Variants in SHANK2 observed in about 807,000 individuals in gnomAD.
The protein encoded by SHANK2 is SH3 and multiple ankyrin repeat domains 2, also known as SH3 and multiple ankyrin repeat domains protein 2.
In SHANK2, 43 loss-of-function variants were observed where a neutral mutation model predicts 133.7. The ratio of observed to expected loss-of-function variants is 0.32; its 90% CI spans 0.25 to 0.41. The LOEUF (loss-of-function observed/expected upper bound fraction) is 0.41. Among genes scored for constraint, SHANK2 ranks in the 10% least tolerant of loss-of-function variants. SHANK2 has a pLI of 1.00. For synonymous variants in SHANK2, 1,017 were observed against 952.8 expected (o/e 1.07, Z -1.24); for missense variants, 1,994 against 2,235.8 (o/e 0.89, Z 2.18).
intron 2 of SHANK2, among the ~76,000 whole-genome samples, chr11:71,206,698 G>A (rs1555118034): frequency 6.6e-6 from 1 of 152,156 alleles, no homozygotes; most frequent in Non-Finnish European, 1.5e-5. Context: ...CATTTTGCAA[G>A]GCCGAGGCAG....
intron 9 of SHANK2, among the ~76,000 whole-genome samples, chr11:71,064,923 C>A (rs1951029916): frequency 6.6e-6 from 1 of 152,228 alleles, no homozygotes; most frequent in South Asian, 2.1e-4. Context: ...CTGGGAGACT[C>A]CGACTGGGGA....
intron 2 of SHANK2, among the ~76,000 whole-genome samples, chr11:71,223,397 A>G (rs556362363): frequency 2.0e-5 from 3 of 152,344 alleles, no homozygotes; most frequent in South Asian, 4.1e-4. Flanking sequence ...CCATGCGCAC[A>G]TTGGAAATAT....
chr11:70,805,036 C>T (rs1590702005), intron 13 of SHANK2, among the ~76,000 whole-genome samples: 1 of 152,348 alleles, frequency 6.6e-6, no homozygotes, highest in South Asian at 2.1e-4. Flanking sequence ...CTGCCCCTCT[C>T]GGAGCATGGG....
At chr11:71,165,586 C>G (rs1308582220) in intron 2 of SHANK2, among the ~76,000 whole-genome samples, 4 of 152,140 alleles carry the variant, frequency 2.6e-5, no homozygotes, top group African/African-American at 9.7e-5. Context: ...CTCTGCGAAG[C>G]CTGGTCAAAC....
intron 15 of SHANK2, among the ~76,000 whole-genome samples, chr11:70,681,565 T>C (rs1945029954): frequency 6.6e-6 from 1 of 152,148 alleles, no homozygotes; most frequent in Non-Finnish European, 1.5e-5. Context: ...CACCCTGGAC[T>C]GTAACCATCC....
intron 6 of SHANK2, among the ~76,000 whole-genome samples, chr11:71,096,424 A>G (rs186360413): frequency 1.3e-3 from 201 of 152,248 alleles, no homozygotes; most frequent in African/African-American, 4.6e-3. Context: ...AACAAACTCA[A>G]GGGGTGACCC....
intron 2 of SHANK2, among the ~76,000 whole-genome samples, chr11:71,198,579 G>A (rs1555116580): frequency 6.6e-6 from 1 of 152,152 alleles, no homozygotes; most frequent in Non-Finnish European, 1.5e-5. Flanking sequence ...TGTGAGGGGT[G>A]AGACCACAGC....
chr11:70,506,695 GA>G (rs1414730838), intron 17 of SHANK2, among the ~76,000 whole-genome samples: 1 of 152,146 alleles, frequency 6.6e-6, no homozygotes, highest in Non-Finnish European at 1.5e-5. Context: ...CTGCTTCATG[GA>G]GGGATGGTAT....
chr11:70,721,427 C>A (rs558684917), intron 14 of SHANK2, among the ~76,000 whole-genome samples: 1 of 152,216 alleles, frequency 6.6e-6, no homozygotes, highest in Non-Finnish European at 1.5e-5. Flanking sequence ...TGGGGCAGGC[C>A]GTGTGTACAG....
chr11:70,859,309 A>G (rs1949220506), intron 11 of SHANK2, among the ~76,000 whole-genome samples: 1 of 152,022 alleles, frequency 6.6e-6, no homozygotes, highest in Non-Finnish European at 1.5e-5. Flanking sequence ...TGGGTAGGTG[A>G]GTGGAGGGAT....
At chr11:70,896,923 T>G (rs1793952215) in intron 10 of SHANK2, among the ~76,000 whole-genome samples, 1 of 152,208 alleles carries the variant, frequency 6.6e-6, no homozygotes, top group Non-Finnish European at 1.5e-5. Flanking sequence ...GGGGCTTGAT[T>G]GGTTCCAGCT....
intron 17 of SHANK2, among the ~76,000 whole-genome samples, chr11:70,552,059 G>A (rs1195401146): frequency 1.3e-5 from 2 of 152,242 alleles, no homozygotes; most frequent in African/African-American, 4.8e-5. Context: ...AGTAATTCCA[G>A]GCAGTACCCA....
intron 12 of SHANK2, among the ~76,000 whole-genome samples, chr11:70,808,180 C>T (rs1247570170): frequency 1.3e-5 from 2 of 152,062 alleles, no homozygotes; most frequent in Non-Finnish European, 2.9e-5. Flanking sequence ...GATGTTACAC[C>T]TATTTCTCCA....
Position 70,471,930 on chromosome 11 carries a change from A to ACAT in SHANK2, c.*936_*938dup, listed in dbSNP as rs200351505. On this transcript the variant is annotated 3_prime_UTR_variant, in exon 26 of 26. Transcript: ENST00000601538. This position sits in a 1 kb window ranked among gnomAD's most constrained non-coding sequence, Gnocchi z 4.1. Reference sequence around the variant, plus strand: ...TGCTCTGATCTTTGCAGAGCTCAAGACATCTTCAATTAAAAAGAATTCTGA... The same window carrying ACAT: ...TGCTCTGATCTTTGCAGAGCTCAAGACATCATCTTCAATTAAAAAGAATTCTGA... 5.4e-3 allele frequency: 824 copies of ACAT among 152,574 alleles called. 6 individuals carry two copies. Among genetic ancestry groups the ACAT allele is most frequent in the South Asian group, 0.013 (63 of 4,828 alleles). The allele number at this position is 152,574 out of a possible 1,614,324, so 9.5% of individuals were successfully genotyped here.
intron 17 of SHANK2, among the ~76,000 whole-genome samples, chr11:70,540,731 G>C (rs1363032908): frequency 6.6e-6 from 1 of 151,846 alleles, no homozygotes; most frequent in South Asian, 2.1e-4. Flanking sequence ...AAAATTAGCC[G>C]GGTGTGGTGG....
intron 4 of SHANK2, among the ~76,000 whole-genome samples, chr11:71,115,235 G>A (rs1338235576): frequency 1.3e-5 from 2 of 152,120 alleles, no homozygotes; most frequent in Non-Finnish European, 2.9e-5. Flanking sequence ...TTGGGAAGCC[G>A]AGGCAGGTGG....
chr11:70,592,876 G>A (rs190780371), intron 17 of SHANK2, among the ~76,000 whole-genome samples: 26 of 152,294 alleles, frequency 1.7e-4, no homozygotes, highest in African/African-American at 5.3e-4. Context: ...TCCCCACCTC[G>A]CCTGGGGTAG....
At chr11:70,947,136 CA>C (rs1950757942) in intron 10 of SHANK2, among the ~76,000 whole-genome samples, 1 of 3,570 alleles carries the variant, frequency 2.8e-4, no homozygotes, top group Non-Finnish European at 1.3e-3. Context: ...CTCTCCAACA[CA>C]CACACACACA....
intron 17 of SHANK2, among the ~76,000 whole-genome samples, chr11:70,591,379 G>C: frequency 7.7e-6 from 1 of 130,048 alleles, no homozygotes; most frequent in African/African-American, 3.0e-5. Context: ...AAAAGAAAAA[G>C]AAAAAAAAGA....
Sources: allele counts gnomAD v4.1 joint callset (sites outside exome capture counted in the v4.1 genomes callset), GRCh38; gene constraint gnomAD v4.1.1; non-coding constraint Gnocchi (gnomAD v3.1); transcripts MANE v1.5; gene names NCBI Gene and HGNC (gene_info 2026-07-23, HGNC 2026-07-21).